The following RBFOX3 variants were observed in gnomAD, a reference collection of about 807,000 sequenced individuals.
RBFOX3 encodes RNA binding fox-1 homolog 3, also known as RNA binding protein fox-1 homolog 3.
Under a neutral mutation model 48.7 loss-of-function variants are expected in RBFOX3, and 17 were observed. The observed-to-expected ratio is 0.35, with a 90% CI of 0.24 to 0.52. RBFOX3 has a LOEUF of 0.52. RBFOX3 is among the 20% of genes least tolerant of loss of function. The pLI is 0.94. For synonymous variants in RBFOX3, 212 were observed against 209.5 expected (o/e 1.01, Z -0.10); for missense variants, 382 against 497.5 (o/e 0.77, Z 2.21).
chr17:79,134,099 T>G (rs2039617624), intron 4 of RBFOX3, among the ~76,000 whole-genome samples: 1 of 152,204 alleles, frequency 6.6e-6, no homozygotes, highest in Admixed American at 6.5e-5. Context: ...ACCCCACCCT[T>G]GCACTCTGCA....
In RBFOX3 at chr17:79,198,034, G is replaced by A. The variant is rs1473537444; in HGVS notation, c.-34+37732C>T. ...AGCATGCCGAGTGAATCCATCCCGA[G>A]TGCCTCTGTCTGCGTCAGGAGAGTC... On this transcript the variant is annotated intron_variant, in intron 4 of 14. Transcript: ENST00000693108. This position sits in a 1 kb window ranked among gnomAD's most constrained non-coding sequence, Gnocchi z 8.2. Among the ~76,000 whole-genome samples, 4 of 152,042 alleles carry A rather than the reference G, an allele frequency of 2.6e-5. No homozygotes were observed. The highest frequency in any genetic ancestry group is 2.6e-4 in the Admixed American group (4 of 15,272).
At chr17:79,604,828 G>A (rs1257325608) in intron 1 of RBFOX3, among the ~76,000 whole-genome samples, 3 of 152,210 alleles carry the variant, frequency 2.0e-5, no homozygotes, top group African/African-American at 4.8e-5. Context: ...TCTCATTGCT[G>A]AGGATAGCCT....
At chr17:79,142,731 G>A (rs556869928) in intron 4 of RBFOX3, among the ~76,000 whole-genome samples, 2 of 152,316 alleles carry the variant, frequency 1.3e-5, no homozygotes, top group East Asian at 3.9e-4. Flanking sequence ...TCTTGACCCA[G>A]TCTGGGGCTC....
rs1233017271 is a variant in RBFOX3, at chr17:79,535,593, T to C, written c.-319-52995A>G. Among the ~76,000 whole-genome samples, 2 of 152,174 alleles carry C rather than the reference T, an allele frequency of 1.3e-5. No individual in the cohort carries two copies. Among genetic ancestry groups the C allele is most frequent in the East Asian group, 3.9e-4 (2 of 5,194 alleles). On this transcript the variant is annotated intron_variant, in intron 1 of 14. Transcript: ENST00000693108. The surrounding 1 kb of genome is among the most constrained non-coding windows in gnomAD (Gnocchi z 4.5). ...AAGTTTCCTGGGCTTGCAGGTCTGC[T>C]GCATGGCTGCGGTCCTGGCCAGACC...
intron 14 of RBFOX3, chr17:79,092,157 G>T: frequency 1.0e-6 from 1 of 985,460 alleles, no homozygotes; most frequent in Non-Finnish European, 1.2e-6. Flanking sequence ...GGCTTTGGGG[G>T]AGGCCCTGCC....
intron 2 of RBFOX3, among the ~76,000 whole-genome samples, chr17:79,447,994 C>G (rs911935276): frequency 1.1e-4 from 17 of 152,186 alleles, no homozygotes; most frequent in African/African-American, 3.4e-4. Flanking sequence ...CCCCTTCGCT[C>G]TCTCTCCTGC....
intron 3 of RBFOX3, among the ~76,000 whole-genome samples, chr17:79,237,595 C>G (rs895472087): frequency 1.3e-5 from 2 of 152,234 alleles, no homozygotes; most frequent in African/African-American, 4.8e-5. Flanking sequence ...ACAGGGCCTG[C>G]CTTCCCTGCT....
At chr17:79,552,222 A>G (rs1025588445) in intron 1 of RBFOX3, among the ~76,000 whole-genome samples, 30 of 152,360 alleles carry the variant, frequency 2.0e-4, no homozygotes, top group African/African-American at 6.5e-4. Flanking sequence ...TCAAAATTTG[A>G]TAATTTAAAC....
chr17:79,235,546 C>G (rs2061534648), intron 4 of RBFOX3: 1 of 153,446 alleles, frequency 6.5e-6, no homozygotes, highest in African/African-American at 2.4e-5. Flanking sequence ...CCTGCCTTTC[C>G]CAGCACATTT....
chr17:79,244,184 C>G (rs926179748), intron 3 of RBFOX3, among the ~76,000 whole-genome samples: 1 of 152,136 alleles, frequency 6.6e-6, no homozygotes, highest in African/African-American at 2.4e-5. Context: ...ATCCAATGCC[C>G]GGGGTCCTCA....
chr17:79,284,609 G>A (rs1294110774), intron 3 of RBFOX3, among the ~76,000 whole-genome samples: 8 of 147,270 alleles, frequency 5.4e-5, no homozygotes, highest in South Asian at 2.2e-4. Context: ...GCTTGATCTC[G>A]ACTTACTGCA....
rs2072911386 is a variant in RBFOX3 at position 79,448,936 on chromosome 17, T to C, written c.-175+33518A>G. ...AAGGATGTGGCTCCCATGGTGAATTTGGCTCAGAGTTGACGTCCTGGGCAC... is the reference window on the plus strand; with the variant it reads ...AAGGATGTGGCTCCCATGGTGAATTCGGCTCAGAGTTGACGTCCTGGGCAC... On this transcript the variant is annotated intron_variant, in intron 2 of 14. Transcript: ENST00000693108. Among the ~76,000 whole-genome samples, 2 of 152,102 alleles carry C rather than the reference T, an allele frequency of 1.3e-5. 1 individual carries two copies. The highest frequency in any genetic ancestry group is 4.2e-4 in the South Asian group (2 of 4,812).
chr17:79,370,333 C>T (rs1240828824), intron 2 of RBFOX3, among the ~76,000 whole-genome samples: 1 of 152,262 alleles, frequency 6.6e-6, no homozygotes, highest in Non-Finnish European at 1.5e-5. Flanking sequence ...CTGAGCCCCA[C>T]CCAGGGCCTC....
intron 3 of RBFOX3, among the ~76,000 whole-genome samples, chr17:79,268,351 C>T (rs1159612742): frequency 2.0e-5 from 3 of 152,158 alleles, no homozygotes; most frequent in Non-Finnish European, 2.9e-5. Context: ...CTCCCCTGGG[C>T]ATGACCGACA....
the RBFOX3 span, among the ~76,000 whole-genome samples, chr17:79,636,793 C>T: frequency 2.6e-5 from 4 of 151,920 alleles, no homozygotes; most frequent in African/African-American, 4.8e-5. Flanking sequence ...AATAAAATGA[C>T]AAGAGTAAGT....
intron 4 of RBFOX3, among the ~76,000 whole-genome samples, chr17:79,183,058 G>C (rs2052488080): frequency 6.7e-6 from 1 of 148,858 alleles, no homozygotes; most frequent in African/African-American, 2.4e-5. Flanking sequence ...GCCTCGCGCC[G>C]CGCGCGCCCT....
chr17:79,394,419 G>A (rs560261866), intron 2 of RBFOX3, among the ~76,000 whole-genome samples: 7 of 152,116 alleles, frequency 4.6e-5, no homozygotes, highest in Non-Finnish European at 8.8e-5. Context: ...GTGCAGGTGG[G>A]GTTCATCTTA....
In RBFOX3 at chr17:79,311,767, G is replaced by T. The variant is rs1367100604; in HGVS notation, c.-174-3943C>A. 6.6e-6 allele frequency among the ~76,000 whole-genome samples: 1 copy of T among 152,168 alleles called. No individual in the cohort carries two copies. Among genetic ancestry groups the T allele is most frequent in the East Asian group, 1.9e-4 (1 of 5,190 alleles). On this transcript the variant is annotated intron_variant, in intron 2 of 14. Transcript: ENST00000693108. This position sits in a 1 kb window ranked among gnomAD's most constrained non-coding sequence, Gnocchi z 4.2. Reference sequence around the variant, plus strand: ...TCTGCCCAGCATGCAGTTCTGGCTGGTGGAGTGGGAAGCAGTGCCCCCATG... The same window carrying T: ...TCTGCCCAGCATGCAGTTCTGGCTGTTGGAGTGGGAAGCAGTGCCCCCATG...
chr17:79,468,335 T>C (rs996809115), intron 2 of RBFOX3, among the ~76,000 whole-genome samples: 26 of 152,212 alleles, frequency 1.7e-4, no homozygotes, highest in African/African-American at 6.0e-4. Flanking sequence ...TATAGAGACA[T>C]ACAGATAGAC....
Sources: allele counts gnomAD v4.1 joint callset (sites outside exome capture counted in the v4.1 genomes callset), GRCh38; gene constraint gnomAD v4.1.1; non-coding constraint Gnocchi (gnomAD v3.1); transcripts MANE v1.5; gene names NCBI Gene and HGNC (gene_info 2026-07-23, HGNC 2026-07-21).